Variants in CELSR1 observed in about 807,000 individuals in gnomAD.
CELSR1 encodes the protein cadherin EGF LAG seven-pass G-type receptor 1, also known as adhesion G protein-coupled receptor C1.
In CELSR1, 110 loss-of-function variants were observed where a neutral mutation model predicts 249.1. That is an observed-to-expected ratio of 0.44 (90% CI 0.38 to 0.52). The LOEUF (loss-of-function observed/expected upper bound fraction) is 0.52. Ranked by LOEUF, CELSR1 falls within the 20% of genes least tolerant of loss-of-function variation. CELSR1 has a pLI of 0.00. For missense variants in CELSR1, 4,109 were observed against 4,296.4 expected, an observed-to-expected ratio of 0.96 and a Z score of 1.22; for synonymous variants, 2,113 against 1,900.0, an observed-to-expected ratio of 1.11 and a Z score of -2.92.
rs1487255641 is a variant in CELSR1, at chr22:46,374,680, G to A, written c.7585-1623C>T. On this transcript the variant is annotated intron_variant, in intron 24 of 34. Coordinates refer to ENST00000674500, the MANE Select transcript of CELSR1 (RefSeq NM_001378328.1). This position sits in a 1 kb window ranked among gnomAD's most constrained non-coding sequence, Gnocchi z 4.3. ...GGTGTTGAGTTGCAGGGAGTGGCCT[G>A]CACCGACTCCCCTCTCCCCCATTCA... Among the ~76,000 whole-genome samples the A allele has an allele frequency of 2.0e-5, 3 of 152,258 alleles. No individual in the cohort carries two copies. The highest frequency in any genetic ancestry group is 3.9e-4 in the East Asian group (2 of 5,168).
chr22:46,456,302 G>A (rs558377345), intron 2 of CELSR1, among the ~76,000 whole-genome samples: 49 of 152,344 alleles, frequency 3.2e-4, no homozygotes, highest in African/African-American at 1.2e-3. Context: ...AGAACTTGCA[G>A]GCTGGGAGGG....
rs1254965542 is a variant in CELSR1 at position 46,391,403 on chromosome 22, G to A, written c.6149-116C>T. On this transcript the variant is annotated intron_variant, in intron 15 of 34. Coordinates refer to ENST00000674500, the MANE Select transcript of CELSR1 (RefSeq NM_001378328.1). This position sits in a 1 kb window ranked among gnomAD's most constrained non-coding sequence, Gnocchi z 4.3. Reference sequence around the variant, plus strand: ...GGAGGCCCTGCTCCCACCAAGAACCGAACCCTAGCATCTCCCCTGCCCCCA... The same window carrying A: ...GGAGGCCCTGCTCCCACCAAGAACCAAACCCTAGCATCTCCCCTGCCCCCA... 6 of 990,828 alleles carry A rather than the reference G, an allele frequency of 6.1e-6. No individual in the cohort carries two copies. The highest frequency in any genetic ancestry group is 4.7e-5 in the South Asian group (3 of 64,306). The allele number at this position is 990,828 out of a possible 1,614,324, so 61.4% of individuals were successfully genotyped here.
At position 46,374,813 on chromosome 22, in the gene CELSR1, C is replaced by T. The variant is rs1395544474; in HGVS notation, c.7585-1756G>A. ...GAACGTGCCCATTGCGGGGATGCGC[C>T]CGGCTGCGGATGTGAAGAAACCCCT... On this transcript the variant is annotated intron_variant, in intron 24 of 34. Transcript: ENST00000674500. The surrounding 1 kb of genome is among the most constrained non-coding windows in gnomAD (Gnocchi z 4.3). Among the ~76,000 whole-genome samples, 3 of 152,196 alleles carry T rather than the reference C, an allele frequency of 2.0e-5. No individual in the cohort carries two copies. The highest frequency in any genetic ancestry group is 1.9e-4 in the East Asian group (1 of 5,196).
chr22:46,416,553 G>A lies in CELSR1; in HGVS notation c.4612-4794C>T, dbSNP rs963648333. 2.0e-5 allele frequency among the ~76,000 whole-genome samples: 3 copies of A among 152,312 alleles called. No homozygotes were observed. In the South Asian group the frequency reaches 6.2e-4, roughly 32 times the overall value. On this transcript the variant is annotated intron_variant, in intron 5 of 34. Coordinates refer to ENST00000674500, the MANE Select transcript of CELSR1 (RefSeq NM_001378328.1). The stretch of plus-strand genomic sequence containing the variant: ...ACGGTACCTCTACACCCCTCGGCGG[G>A]CAACCCTGGCCAGCACAGGCTCCCT...
chr22:46,380,782 A>G lies in CELSR1; in HGVS notation c.7256+6T>C, dbSNP rs1242595297. ...CCTCACATGGGGCTCCTGGCGTCAC[A>G]CTTACGCCAGGGAGTGGTTCCAGAA... is the stretch of plus-strand genomic sequence containing the variant. On this transcript the variant is annotated splice_donor_region_variant and intron_variant, in intron 22 of 34. Coordinates refer to ENST00000674500, the MANE Select transcript of CELSR1 (RefSeq NM_001378328.1). The surrounding 1 kb of genome is among the most constrained non-coding windows in gnomAD (Gnocchi z 5.1). 4 of 1,611,582 alleles carry G rather than the reference A, an allele frequency of 2.5e-6. No homozygotes were observed. The highest frequency in any genetic ancestry group is 3.4e-6 in the Non-Finnish European group (4 of 1,179,346).
rs1011740718 is a variant in CELSR1 at position 46,423,434 on chromosome 22, C to T, written c.4611+9959G>A. Among the ~76,000 whole-genome samples the T allele has an allele frequency of 3.3e-5, 5 of 151,294 alleles. No homozygotes were observed. The highest frequency in any genetic ancestry group is 1.2e-4 in the African/African-American group (5 of 41,100). On this transcript the variant is annotated intron_variant, in intron 5 of 34. Transcript: ENST00000674500. The surrounding 1 kb of genome is among the most constrained non-coding windows in gnomAD (Gnocchi z 5.6). ...GACCAGCCTCAACATGGAGAAACCC[C>T]GTCTCTACTAAAAATACAAAATTAG... is the stretch of plus-strand genomic sequence containing the variant.
intron 1 of CELSR1, among the ~76,000 whole-genome samples, chr22:46,523,487 C>T (rs1014251666): frequency 2.0e-4 from 31 of 151,632 alleles, no homozygotes; most frequent in Non-Finnish European, 4.1e-4. Context: ...GAGATTGCAC[C>T]ACTGCACTCC....
Position 46,369,733 on chromosome 22 carries a change from G to A in CELSR1, c.7831C>T (p.Leu2611=), listed in dbSNP as rs372270441. 2.5e-6 allele frequency: 4 copies of A among 1,613,344 alleles called. No individual in the cohort carries two copies. The African/African-American group carries it at 5.3e-5, about 22-fold the overall frequency. The change falls in exon 26 of 35, where the codon CTG becomes TTG. Residue 2611 remains leucine (L), a synonymous_variant. Transcript: ENST00000674500. Reference sequence around the variant, plus strand: ...ATGGGCCCCGCAAAGCTCCAAATCAGGGTGTCTTGAAGCGACAGCCAGCAG... The same window carrying A: ...ATGGGCCCCGCAAAGCTCCAAATCAAGGTGTCTTGAAGCGACAGCCAGCAG... The part of the protein sequence containing the change: ...DFCWLSLQDT[L]IWSFAGPIGA...
chr22:46,417,879 AG>A lies in CELSR1; in HGVS notation c.4612-6121del, dbSNP rs2079421419. ...CTCAGAGTCCAGCTGGGCGGGCCCA[AG>A]GCCGGCGGGGGGCTCACAGGACAGC... On this transcript the variant is annotated intron_variant, in intron 5 of 34. Coordinates refer to ENST00000674500, the MANE Select transcript of CELSR1 (RefSeq NM_001378328.1). The surrounding 1 kb of genome is among the most constrained non-coding windows in gnomAD (Gnocchi z 4.1). 6.6e-6 allele frequency among the ~76,000 whole-genome samples: 1 copy of A among 152,246 alleles called. No homozygotes were observed. The highest frequency in any genetic ancestry group is 2.4e-5 in the African/African-American group (1 of 41,470).
At position 46,398,681 on chromosome 22, in the gene CELSR1, A is replaced by C. The variant is rs778895113; in HGVS notation, c.5413-44T>G. ...CGGGGATCTGGGGGCTGCATCCACCATCCTAGAAACGTCTCTCAGATGGGA... is the reference window on the plus strand; with the variant it reads ...CGGGGATCTGGGGGCTGCATCCACCCTCCTAGAAACGTCTCTCAGATGGGA... On this transcript the variant is annotated intron_variant, in intron 10 of 34. Transcript: ENST00000674500. This position sits in a 1 kb window ranked among gnomAD's most constrained non-coding sequence, Gnocchi z 7.2. 12 of 1,483,748 alleles carry C rather than the reference A, an allele frequency of 8.1e-6. No individual in the cohort carries two copies. In the East Asian group the frequency reaches 2.8e-4, roughly 34 times the overall value. The allele number at this position is 1,483,748 out of a possible 1,614,324, so 91.9% of individuals were successfully genotyped here.
rs143803807 is a variant in CELSR1 at position 46,518,694 on chromosome 22, G to A, written c.3544+14933C>T. Among the ~76,000 whole-genome samples, 78 of 152,290 alleles carry A rather than the reference G, an allele frequency of 5.1e-4. No individual in the cohort carries two copies. The East Asian group carries it at 0.013, about 26-fold the overall frequency. On this transcript the variant is annotated intron_variant, in intron 1 of 34. Coordinates refer to ENST00000674500, the MANE Select transcript of CELSR1 (RefSeq NM_001378328.1). The surrounding 1 kb of genome is among the most constrained non-coding windows in gnomAD (Gnocchi z 5.2). Reference sequence around the variant, plus strand: ...CTGCGGTCTCTGCCTCCATCTTCACGTTGTGGCCTCCTCATTGTGTGTCTG... The same window carrying A: ...CTGCGGTCTCTGCCTCCATCTTCACATTGTGGCCTCCTCATTGTGTGTCTG...
At chr22:46,373,420 GC>G (rs2078877765) in intron 24 of CELSR1, among the ~76,000 whole-genome samples, 1 of 144,876 alleles carries the variant, frequency 6.9e-6, no homozygotes, top group African/African-American at 2.5e-5. Flanking sequence ...TCTGGGCGGG[GC>G]GGGGGGGCAG....
intron 1 of CELSR1, among the ~76,000 whole-genome samples, chr22:46,521,993 C>T (rs972362831): frequency 6.6e-6 from 1 of 152,210 alleles, no homozygotes; most frequent in African/African-American, 2.4e-5. Flanking sequence ...AGTTTCTCTG[C>T]ATCCTTCAAC....
rs1332236057 is a variant in CELSR1, at chr22:46,430,873, A to T, written c.4611+2520T>A. 6.6e-6 allele frequency among the ~76,000 whole-genome samples: 1 copy of T among 152,172 alleles called. No individual in the cohort carries two copies. Among genetic ancestry groups the T allele is most frequent in the Non-Finnish European group, 1.5e-5 (1 of 68,038 alleles). ...CCACTCGGAGACTAAGTCACGGAGC[A>T]GCAGTACTGTCTCCTTCTCGGGCTG... On this transcript the variant is annotated intron_variant, in intron 5 of 34. Coordinates refer to ENST00000674500, the MANE Select transcript of CELSR1 (RefSeq NM_001378328.1). This position sits in a 1 kb window ranked among gnomAD's most constrained non-coding sequence, Gnocchi z 4.6.
intron 1 of CELSR1, among the ~76,000 whole-genome samples, chr22:46,524,066 C>T (rs2080712882): frequency 6.6e-6 from 1 of 152,240 alleles, no homozygotes; most frequent in African/African-American, 2.4e-5. Flanking sequence ...TGCCCCAGGG[C>T]CTCGCCACTG....
Position 46,433,029 on chromosome 22 carries a change from T to C in CELSR1, c.4611+364A>G, listed in dbSNP as rs1268577485. Among the ~76,000 whole-genome samples the C allele has an allele frequency of 6.6e-6, 1 of 151,764 alleles. No homozygotes were observed. Among genetic ancestry groups the C allele is most frequent in the Non-Finnish European group, 1.5e-5 (1 of 67,960 alleles). ...AGAAAATCTACCAGGGCACCTTTTT[T>C]CCTTCCTTTTTTTTTTAGATGGAAT... On this transcript the variant is annotated intron_variant, in intron 5 of 34. Coordinates refer to ENST00000674500, the MANE Select transcript of CELSR1 (RefSeq NM_001378328.1). The surrounding 1 kb of genome is among the most constrained non-coding windows in gnomAD (Gnocchi z 5.7).
chr22:46,366,724 T>G (rs929512810), intron 29 of CELSR1, among the ~76,000 whole-genome samples: 23 of 152,288 alleles, frequency 1.5e-4, no homozygotes, highest in African/African-American at 4.8e-4. Flanking sequence ...CTACGGCCAC[T>G]GCTTCTGGTC....
At position 46,464,221 on chromosome 22, in the gene CELSR1, C is replaced by G; in HGVS notation, c.3669G>C (p.Leu1223=). Residue 1223 remains leucine (L), a synonymous_variant, in exon 2 of 35, where the codon CTG becomes CTC. Transcript: ENST00000674500. This position sits in a 1 kb window ranked among gnomAD's most constrained non-coding sequence, Gnocchi z 8.5. ...NMSQEKFLSP[L]LALFVEGVAA... is the part of the protein sequence containing the mutation. Reference sequence around the variant, plus strand: ...CCACCCCCTCCACGAAGAGGGCCAGCAGCGGGGACAGGAACTTCTCCTGGG... The same window carrying G: ...CCACCCCCTCCACGAAGAGGGCCAGGAGCGGGGACAGGAACTTCTCCTGGG... 1.2e-6 allele frequency: 2 copies of G among 1,613,772 alleles called. No homozygotes were observed. Among genetic ancestry groups the G allele is most frequent in the South Asian group, 1.1e-5 (1 of 91,084 alleles).
chr22:46,516,031 T>C (rs932565970), intron 1 of CELSR1, among the ~76,000 whole-genome samples: 3 of 152,168 alleles, frequency 2.0e-5, no homozygotes, highest in African/African-American at 4.8e-5. Context: ...AGTTGAACCA[T>C]TGTGGAAGAC....
Sources: allele counts gnomAD v4.1 joint callset (sites outside exome capture counted in the v4.1 genomes callset), GRCh38; gene constraint gnomAD v4.1.1; non-coding constraint Gnocchi (gnomAD v3.1); transcripts MANE v1.5; gene names NCBI Gene and HGNC (gene_info 2026-07-23, HGNC 2026-07-21).